The following GLIS3 variants were observed in gnomAD, a reference collection of about 807,000 sequenced individuals.
GLIS3 encodes the protein zinc finger protein GLIS3.
In GLIS3, 53 loss-of-function variants were observed where a neutral mutation model predicts 78.6. That is an observed-to-expected ratio of 0.67 (90% CI 0.54 to 0.85). The LOEUF (loss-of-function observed/expected upper bound fraction) is 0.85, where lower values mean the gene tolerates loss of function less well. Ranked by LOEUF, GLIS3 falls within the 40% of genes least tolerant of loss-of-function variation. GLIS3 has a pLI of 0.00. For missense variants in GLIS3, 1,703 were observed against 1,231.1 expected (o/e 1.38, Z -5.74); for synonymous variants, 684 against 509.9 (o/e 1.34, Z -4.60).
intron 4 of GLIS3, among the ~76,000 whole-genome samples, chr9:4,069,974 G>T (rs1241581377): frequency 2.0e-5 from 3 of 152,090 alleles, no homozygotes; most frequent in African/African-American, 4.8e-5. Flanking sequence ...TCAGAGGCCA[G>T]GAGAGACCCA....
chr9:4,149,326 A>T (rs981215009), intron 2 of GLIS3, among the ~76,000 whole-genome samples: 1 of 152,328 alleles, frequency 6.6e-6, no homozygotes, highest in Non-Finnish European at 1.5e-5. Flanking sequence ...CTTGAAGACC[A>T]TATTAACCTG....
chr9:3,919,955 C>G (rs979091323), intron 6 of GLIS3, among the ~76,000 whole-genome samples: 3 of 149,414 alleles, frequency 2.0e-5, no homozygotes, highest in African/African-American at 7.4e-5. Context: ...TATTTCATAA[C>G]TAAGGAGAAT....
the GLIS3 span, among the ~76,000 whole-genome samples, chr9:4,417,695 G>A: frequency 3.3e-5 from 5 of 152,046 alleles, no homozygotes; most frequent in Non-Finnish European, 7.4e-5. Context: ...AAATTTTGTT[G>A]TCCTCAAAAA....
chr9:4,116,589 T>A (rs1267934368), intron 4 of GLIS3, among the ~76,000 whole-genome samples: 1 of 152,196 alleles, frequency 6.6e-6, no homozygotes, highest in African/African-American at 2.4e-5. Flanking sequence ...CTATCACCTG[T>A]TTGGTTTGCT....
intron 2 of GLIS3, among the ~76,000 whole-genome samples, chr9:4,209,258 C>T (rs973288882): frequency 1.3e-5 from 2 of 152,102 alleles, no homozygotes; most frequent in Non-Finnish European, 2.9e-5. Context: ...CATCCTGACC[C>T]ATACACTGGT....
Position 4,333,395 on chromosome 9 carries a change from G to T in GLIS3, n.264+13686C>A, listed in dbSNP as rs993500556. ...GAAGAAAGGAAGGGAGAGAGGGAAA[G>T]AAAGAAAGAAACTAAGTCTTTTTTA... On this transcript the variant is annotated intron_variant and non_coding_transcript_variant, in intron 2 of 4. Transcript: ENST00000471664. Among the ~76,000 whole-genome samples the T allele has an allele frequency of 2.0e-5, 3 of 151,516 alleles. No individual in the cohort carries two copies. The East Asian group carries it at 5.8e-4, about 29-fold the overall frequency.
At chr9:4,360,105 G>A in the GLIS3 span, among the ~76,000 whole-genome samples, 5 of 151,786 alleles carry the variant, frequency 3.3e-5, no homozygotes, top group Non-Finnish European at 7.4e-5. Flanking sequence ...TCCCTTTGCT[G>A]TTTTTACTCA....
intron 4 of GLIS3, among the ~76,000 whole-genome samples, chr9:4,014,416 G>A (rs1822277118): frequency 6.6e-6 from 1 of 152,140 alleles, no homozygotes; most frequent in African/African-American, 2.4e-5. Flanking sequence ...TTAAGAGGAG[G>A]TCATATTGAA....
chr9:3,981,919 G>T (rs1157030520), intron 4 of GLIS3, among the ~76,000 whole-genome samples: 1 of 152,094 alleles, frequency 6.6e-6, no homozygotes, highest in Non-Finnish European at 1.5e-5. Flanking sequence ...AGCTTTGGCA[G>T]GCTCTAAGCT....
At chr9:4,241,596 C>T (rs928175463) in intron 2 of GLIS3, among the ~76,000 whole-genome samples, 2 of 152,038 alleles carry the variant, frequency 1.3e-5, no homozygotes, top group Non-Finnish European at 2.9e-5. Context: ...AAAATATGTA[C>T]AGCTATTATC....
intron 4 of GLIS3, among the ~76,000 whole-genome samples, chr9:4,043,135 C>A (rs891275110): frequency 5.3e-5 from 8 of 152,182 alleles, no homozygotes; most frequent in African/African-American, 1.7e-4. Flanking sequence ...CTTCCCACAG[C>A]CCCACTCAAG....
At chr9:4,006,065 A>G (rs1200150614) in intron 4 of GLIS3, among the ~76,000 whole-genome samples, 1 of 152,152 alleles carries the variant, frequency 6.6e-6, no homozygotes, top group Non-Finnish European at 1.5e-5. Flanking sequence ...CATAGCTATT[A>G]TGGGAAGGAA....
At chr9:4,104,587 C>G (rs1001915271) in intron 4 of GLIS3, among the ~76,000 whole-genome samples, 1 of 152,158 alleles carries the variant, frequency 6.6e-6, no homozygotes, top group African/African-American at 2.4e-5. Flanking sequence ...TACTCAAAAG[C>G]ATCCTTTCAG....
intron 2 of GLIS3, among the ~76,000 whole-genome samples, chr9:4,190,205 G>C (rs1818209527): frequency 6.6e-6 from 1 of 152,212 alleles, no homozygotes; most frequent in Admixed American, 6.5e-5. Flanking sequence ...CGAGTTGAGA[G>C]TGAAGGCTTC....
the GLIS3 span, among the ~76,000 whole-genome samples, chr9:4,392,335 A>C: frequency 5.3e-5 from 8 of 152,162 alleles, no homozygotes; most frequent in African/African-American, 1.9e-4. Context: ...GCTGCAAACC[A>C]CCATGGCACA....
At chr9:4,181,233 T>C (rs1384108848) in intron 2 of GLIS3, among the ~76,000 whole-genome samples, 1 of 152,232 alleles carries the variant, frequency 6.6e-6, no homozygotes, top group East Asian at 1.9e-4. Flanking sequence ...GCCCCACCCA[T>C]CTGCTGGACA....
the GLIS3 span, among the ~76,000 whole-genome samples, chr9:4,365,187 T>A: frequency 6.6e-6 from 1 of 151,924 alleles, no homozygotes; most frequent in East Asian, 1.9e-4. Flanking sequence ...TGGAGAAAGG[T>A]AGTTGGAATA....
At chr9:4,305,941 A>AT (rs1430521198) in intron 4 of GLIS3, 2 of 152,240 alleles carry the variant, frequency 1.3e-5, no homozygotes, top group African/African-American at 2.4e-5. Flanking sequence ...TAAACAAATA[A>AT]TTACAGCAAC....
chr9:4,424,798 G>C, the GLIS3 span, among the ~76,000 whole-genome samples: 3 of 151,888 alleles, frequency 2.0e-5, no homozygotes, highest in Admixed American at 2.0e-4. Flanking sequence ...TTAAACTTCT[G>C]GGCTCAAGTG....
Sources: gnomAD v4.1 joint callset for allele counts (sites outside exome capture counted in the v4.1 genomes callset) on GRCh38, gnomAD v4.1.1 for gene constraint, MANE v1.5 for transcripts, NCBI Gene and HGNC (gene_info 2026-07-23, HGNC 2026-07-21) for gene names.